The following PPIP5K2 variants were observed in gnomAD, a reference collection of about 807,000 sequenced individuals.
PPIP5K2 encodes the protein diphosphoinositol pentakisphosphate kinase 2, also known as inositol hexakisphosphate and diphosphoinositol-pentakisphosphate kinase 2.
A neutral mutation model predicts 154.6 loss-of-function variants in PPIP5K2; 105 were observed. The ratio of observed to expected loss-of-function variants is 0.68; its 90% CI spans 0.58 to 0.80. PPIP5K2 has a LOEUF of 0.80. Ranked by LOEUF, PPIP5K2 falls within the 30% of genes least tolerant of loss-of-function variation. The pLI is 0.00. For synonymous variants in PPIP5K2, 480 were observed against 490.3 expected, an observed-to-expected ratio of 0.98 and a Z score of 0.28; for missense variants, 992 against 1,504.6, an observed-to-expected ratio of 0.66 and a Z score of 5.64.
intron 20 of PPIP5K2, 27 bp downstream of exon 20, chr5:103,173,309 T>A: frequency 6.3e-7 from 1 of 1,585,940 alleles, no homozygotes; most frequent in Non-Finnish European, 8.6e-7. Context: ...GTTATTTAAA[T>A]CTCTAGGCAT....
At chr5:103,147,435 A>G (rs1313229757) in intron 6 of PPIP5K2, among the ~76,000 whole-genome samples, 1 of 152,006 alleles carries the variant, frequency 6.6e-6, no homozygotes, top group Non-Finnish European at 1.5e-5. Flanking sequence ...TATCTTCACA[A>G]GTTGCATATG....
chr5:103,138,048 G>A (rs1206951677), intron 4 of PPIP5K2, among the ~76,000 whole-genome samples: 1 of 151,936 alleles, frequency 6.6e-6, no homozygotes, highest in Non-Finnish European at 1.5e-5. Context: ...TAAGCATAAG[G>A]CTTTTAATGC....
chr5:103,194,852 A>C (rs1554227922), intron 29 of PPIP5K2, 48 bp from the exon 30 acceptor site: 1 of 1,574,200 alleles, frequency 6.4e-7, no homozygotes, highest in Non-Finnish European at 8.7e-7. Context: ...GTTAAGAGAT[A>C]ATTGGCAGGA....
intron 1 of PPIP5K2, among the ~76,000 whole-genome samples, chr5:103,127,944 G>GT (rs782280181): frequency 5.3e-4 from 71 of 134,248 alleles, no homozygotes; most frequent in East Asian, 4.6e-3. Flanking sequence ...TGTTGTTGTT[G>GT]TTTTTTTTTT....
intron 1 of PPIP5K2, among the ~76,000 whole-genome samples, chr5:103,122,794 A>G (rs1788989764): frequency 6.6e-6 from 1 of 152,246 alleles, no homozygotes; most frequent in South Asian, 2.1e-4. Context: ...GAGGGAACCC[A>G]TGAAAAGGGC....
Position 103,173,971 on chromosome 5 carries a change from A to G in PPIP5K2, c.2528A>G (p.Asn843Ser), listed in dbSNP as rs781831998. The change falls in exon 21 of 31, where the codon AAT becomes AGT. Residue 843 changes from asparagine (N) to serine (S), a missense_variant and splice_region_variant. By Grantham distance (46) the Asn-to-Ser change is conservative. Around this residue, in one of 9 missense-constraint regions of PPIP5K2, gnomAD observed 157 missense variants for 281.2 expected, o/e 0.56. Coordinates refer to ENST00000358359, the MANE Select transcript of PPIP5K2 (RefSeq NM_001276277.3). ...ATTCTTCGCTATGGTGCCTTATGCA[A>G]TGTAAGTAGAATAAGTTATTTCAGT... Reference protein sequence around the residue: ...LSILRYGALCNESKDEQWKRA... With the variant: ...LSILRYGALCSESKDEQWKRA... 250 of 1,551,192 alleles carry G rather than the reference A, an allele frequency of 1.6e-4. 1 individual carries two copies. The highest frequency in any genetic ancestry group is 2.5e-4 in the East Asian group (11 of 44,400).
chr5:103,169,085 C>T (rs1554218829), intron 19 of PPIP5K2, among the ~76,000 whole-genome samples: 1 of 151,552 alleles, frequency 6.6e-6, no homozygotes, highest in Non-Finnish European at 1.5e-5. Flanking sequence ...GGACATGGGT[C>T]TTTTCATTAT....
chr5:103,186,120 G>A (rs572042018), intron 26 of PPIP5K2, among the ~76,000 whole-genome samples, 200 bp from the exon 27 acceptor site: 1 of 152,074 alleles, frequency 6.6e-6, no homozygotes, highest in Admixed American at 6.6e-5. Flanking sequence ...TTGTACCTAT[G>A]ATAAATGATA....
rs191234689 is a variant in PPIP5K2 at position 103,209,714 on chromosome 5, C to G, written c.*8080C>G. 1 of 151,828 alleles carries G rather than the reference C, an allele frequency of 6.6e-6. No individual in the cohort carries two copies. Among genetic ancestry groups the G allele is most frequent in the East Asian group, 1.9e-4 (1 of 5,160 alleles). 9.4% of individuals were successfully genotyped at this position (151,828 alleles called of 1,614,324 possible). On this transcript the variant is annotated 3_prime_UTR_variant, in exon 31 of 31. Transcript: ENST00000358359. ...TAGATTTGTCTTAAGTTAGTCAATGCTGAATAGAAAGCTTGATGATAAAGG... is the reference window on the plus strand; with the variant it reads ...TAGATTTGTCTTAAGTTAGTCAATGGTGAATAGAAAGCTTGATGATAAAGG...
rs1252857457 is a variant in PPIP5K2 at position 103,210,763 on chromosome 5, C to T, written c.*9129C>T. ...GGTTAATACAGTTAATAGTATAATA[C>T]TTATAATAACAATTTTGAGAATTAT... is the stretch of plus-strand genomic sequence containing the variant. On this transcript the variant is annotated 3_prime_UTR_variant, in exon 31 of 31. Transcript: ENST00000358359. The T allele has an allele frequency of 6.6e-6, 1 of 152,068 alleles. No homozygotes were observed. Among genetic ancestry groups the T allele is most frequent in the Non-Finnish European group, 1.5e-5 (1 of 67,994 alleles). 9.4% of individuals were successfully genotyped at this position (152,068 alleles called of 1,614,324 possible).
chr5:103,131,414 A>T (rs1554202607), intron 2 of PPIP5K2, among the ~76,000 whole-genome samples: 1 of 152,160 alleles, frequency 6.6e-6, no homozygotes, highest in East Asian at 1.9e-4. Flanking sequence ...TAGTCTGTAT[A>T]TGTTCAGTAC....
chr5:103,135,761 T>C (rs1192166745), intron 3 of PPIP5K2, among the ~76,000 whole-genome samples: 4 of 152,160 alleles, frequency 2.6e-5, no homozygotes, highest in African/African-American at 9.7e-5. Context: ...AATACAATCA[T>C]TAAAATTTTT....
intron 28 of PPIP5K2, among the ~76,000 whole-genome samples, chr5:103,189,928 C>A (rs115625227): frequency 0.012 from 1,885 of 151,928 alleles, 31 homozygotes; most frequent in African/African-American, 0.044. Context: ...TATTTAACTG[C>A]GGGAAATTAA....
At chr5:103,181,271 G>C (rs1432797774) in intron 24 of PPIP5K2, among the ~76,000 whole-genome samples, 1 of 151,960 alleles carries the variant, frequency 6.6e-6, no homozygotes, top group African/African-American at 2.4e-5. Context: ...TCTAGTAAAA[G>C]TATAAAGGAA....
intron 30 of PPIP5K2, among the ~76,000 whole-genome samples, chr5:103,201,101 G>A (rs1186142313): frequency 6.6e-6 from 1 of 152,172 alleles, no homozygotes; most frequent in African/African-American, 2.4e-5. Flanking sequence ...AAAATGATGA[G>A]TTCAGTTTAT....
At chr5:103,151,770 C>T (rs1267080170) in intron 9 of PPIP5K2, among the ~76,000 whole-genome samples, 5 of 151,918 alleles carry the variant, frequency 3.3e-5, no homozygotes, top group Non-Finnish European at 7.4e-5. Context: ...GAATTCATGA[C>T]TCTTTTGCAT....
At chr5:103,144,972 G>A (rs981487910) in intron 5 of PPIP5K2, among the ~76,000 whole-genome samples, 8 of 151,942 alleles carry the variant, frequency 5.3e-5, no homozygotes, top group Non-Finnish European at 8.8e-5. Context: ...TGAAGAGACA[G>A]TCCACGGAAT....
At chr5:103,130,653 G>C (rs1790465077) in intron 2 of PPIP5K2, among the ~76,000 whole-genome samples, 1 of 152,102 alleles carries the variant, frequency 6.6e-6, no homozygotes, top group Admixed American at 6.6e-5. Context: ...TGAAAAACTA[G>C]ATTTTCAGGC....
At chr5:103,140,689 TAGCCGGGCGC>T (rs1792428759) in intron 5 of PPIP5K2, among the ~76,000 whole-genome samples, 1 of 150,558 alleles carries the variant, frequency 6.6e-6, no homozygotes, top group South Asian at 2.1e-4. Context: ...TACAAAAAAT[TAGCCGGGCGC>T]AGTGGCGGGC....
Sources: allele counts gnomAD v4.1 joint callset (sites outside exome capture counted in the v4.1 genomes callset), GRCh38; gene constraint gnomAD v4.1.1; regional missense constraint gnomAD v4.1.1; transcripts MANE v1.5; gene names NCBI Gene and HGNC (gene_info 2026-07-23, HGNC 2026-07-21).